ATRNL1: variants seen among roughly 807,000 people sequenced by gnomAD.
The protein encoded by ATRNL1 is attractin like 1.
ATRNL1 carries 95 observed loss-of-function variants against 182.7 expected under a neutral mutation model. That is an observed-to-expected ratio of 0.52 (90% CI 0.44 to 0.62). ATRNL1 has a LOEUF of 0.62. ATRNL1 is among the 20% of genes least tolerant of loss of function. The pLI is 0.00. For synonymous variants in ATRNL1, 576 were observed against 568.3 expected (o/e 1.01, Z -0.19); for missense variants, 1,471 against 1,679.5 (o/e 0.88, Z 2.17).
chr10:115,330,400 A>G (rs1592463035), intron 18 of ATRNL1, among the ~76,000 whole-genome samples: 1 of 152,164 alleles, frequency 6.6e-6, no homozygotes, highest in East Asian at 1.9e-4. Flanking sequence ...TTTTTGTTAC[A>G]CATTAGGATT....
At chr10:115,816,363 A>G (rs1950164746) in intron 27 of ATRNL1, among the ~76,000 whole-genome samples, 1 of 152,194 alleles carries the variant, frequency 6.6e-6, no homozygotes, top group African/African-American at 2.4e-5. Flanking sequence ...TAAGAATCAG[A>G]TATTGTATAA....
Position 115,315,605 on chromosome 10 carries a change from G to A in ATRNL1, c.2906G>A (p.Arg969Lys). 6.2e-7 allele frequency: 1 copy of A among 1,613,902 alleles called. No homozygotes were observed. Among genetic ancestry groups the A allele is most frequent in the South Asian group, 1.1e-5 (1 of 91,084 alleles). The change falls in exon 18 of 29, where the codon AGA becomes AAA. Residue 969 changes from arginine to lysine, a missense_variant. Arg to Lys is a conservative substitution (Grantham distance 26). Transcript: ENST00000355044. ...GWCNDPSNTG[R>K]GHCIEGSSRG... Reference sequence around the variant, plus strand: ...TGCAATGATCCTAGTAATACAGGAAGAGGACATTGCATTGAAGGTTCTTCA... The same window carrying A: ...TGCAATGATCCTAGTAATACAGGAAAAGGACATTGCATTGAAGGTTCTTCA...
At chr10:115,255,519 A>G (rs930661834) in intron 10 of ATRNL1, among the ~76,000 whole-genome samples, 40 of 152,222 alleles carry the variant, frequency 2.6e-4, no homozygotes, top group African/African-American at 9.2e-4. Context: ...GTTGTTTATC[A>G]GCTTAAGGAG....
chr10:115,718,004 C>T lies in ATRNL1; in HGVS notation c.3796-9244C>T, dbSNP rs181522040. On this transcript the variant is annotated intron_variant, in intron 26 of 28. Coordinates refer to ENST00000355044, the MANE Select transcript of ATRNL1 (RefSeq NM_207303.4). ...TTGTGGGCTGAAGCACTGAAAAGTC[C>T]GTACACGATTCACTAGTCCTTTTTC... Among the ~76,000 whole-genome samples the T allele has an allele frequency of 2.0e-5, 3 of 152,250 alleles. No homozygotes were observed. In the East Asian group the frequency reaches 5.8e-4, roughly 29 times the overall value.
intron 1 of ATRNL1, among the ~76,000 whole-genome samples, chr10:115,113,882 C>A (rs1259102518): frequency 3.3e-5 from 5 of 152,190 alleles, no homozygotes; most frequent in African/African-American, 9.6e-5. Context: ...ACCTTCAGCT[C>A]TTTAGGGATG....
intron 26 of ATRNL1, among the ~76,000 whole-genome samples, chr10:115,647,396 A>G (rs1249712559): frequency 1.3e-5 from 2 of 152,134 alleles, no homozygotes; most frequent in Non-Finnish European, 2.9e-5. Flanking sequence ...CAATGGTTAA[A>G]CTAGTTTACA....
intron 15 of ATRNL1, among the ~76,000 whole-genome samples, chr10:115,289,439 G>A (rs1259583848): frequency 6.6e-6 from 1 of 152,098 alleles, no homozygotes; most frequent in Non-Finnish European, 1.5e-5. Flanking sequence ...TTGAGGTCTT[G>A]TTCATAAAAT....
chr10:115,117,709 A>G (rs577549765), intron 1 of ATRNL1, among the ~76,000 whole-genome samples: 46 of 152,248 alleles, frequency 3.0e-4, no homozygotes, highest in Middle Eastern at 3.4e-3. Context: ...TCTTTTGGGT[A>G]TATACCCAAC....
chr10:115,469,076 AT>A (rs1848189028), intron 23 of ATRNL1, 95 bp from the exon 24 acceptor site: 1 of 425,158 alleles, frequency 2.4e-6, no homozygotes, highest in East Asian at 4.0e-5. Flanking sequence ...TTTGATAATT[AT>A]TTTTATAAGA....
Position 115,802,742 on chromosome 10 carries a change from A to G in ATRNL1, c.3904-45135A>G, listed in dbSNP as rs181238583. On this transcript the variant is annotated intron_variant, in intron 27 of 28. Transcript: ENST00000355044. ...ATATGAAACAAAATGACATTCATCTATATGAGACGTTTGTTAACTTAAAAG... is the reference window on the plus strand; with the variant it reads ...ATATGAAACAAAATGACATTCATCTGTATGAGACGTTTGTTAACTTAAAAG... Among the ~76,000 whole-genome samples the G allele has an allele frequency of 1.4e-4, 21 of 152,300 alleles. No homozygotes were observed. The East Asian group carries it at 4.1e-3, about 29-fold the overall frequency.
chr10:115,552,638 C>T (rs1381292981), intron 26 of ATRNL1, among the ~76,000 whole-genome samples: 2 of 151,290 alleles, frequency 1.3e-5, no homozygotes, highest in African/African-American at 2.4e-5. Flanking sequence ...CATAGATATA[C>T]TTTTTGTGGC....
rs1214741652 is a variant in ATRNL1, at chr10:115,093,372, G to T, written c.-379G>T. ...GGCGCTCGGAGCCGAGGCAGTTGGCGCGGGCCGCGGGCGAGGCGGGGCCGC... is the reference window on the plus strand; with the variant it reads ...GGCGCTCGGAGCCGAGGCAGTTGGCTCGGGCCGCGGGCGAGGCGGGGCCGC... On this transcript the variant is annotated 5_prime_UTR_variant, in exon 1 of 29. Coordinates refer to ENST00000355044, the MANE Select transcript of ATRNL1 (RefSeq NM_207303.4). This position sits in a 1 kb window ranked among gnomAD's most constrained non-coding sequence, Gnocchi z 6.1. The T allele has an allele frequency of 2.5e-5, 4 of 162,490 alleles. No individual in the cohort carries two copies. The highest frequency in any genetic ancestry group is 5.2e-5 in the Non-Finnish European group (4 of 76,832). 10.1% of individuals were successfully genotyped at this position (162,490 alleles called of 1,614,324 possible).
chr10:115,313,637 T>C (rs556236770), intron 17 of ATRNL1, among the ~76,000 whole-genome samples: 38 of 152,320 alleles, frequency 2.5e-4, no homozygotes, highest in South Asian at 4.1e-4. Flanking sequence ...ATAGGTGGTG[T>C]CCACAGGTAA....
chr10:115,387,694 A>C (rs1201772656), intron 19 of ATRNL1, among the ~76,000 whole-genome samples: 1 of 152,134 alleles, frequency 6.6e-6, no homozygotes, highest in Non-Finnish European at 1.5e-5. Context: ...GTAATATGTA[A>C]TCTTTTGTGT....
chr10:115,580,778 T>A (rs1373948434), intron 26 of ATRNL1, among the ~76,000 whole-genome samples: 1 of 152,136 alleles, frequency 6.6e-6, no homozygotes, highest in Non-Finnish European at 1.5e-5. Flanking sequence ...TTCATTATTT[T>A]TTCTACTTAG....
intron 26 of ATRNL1, among the ~76,000 whole-genome samples, chr10:115,621,276 T>TATATATATATATATATATAGAGAG (rs1268020830): frequency 2.1e-5 from 1 of 47,592 alleles, no homozygotes; most frequent in African/African-American, 7.4e-5. Flanking sequence ...TATATATATA[T>TATATATATATATATATATAGAGAG]AGAGAGAGAG....
chr10:115,767,744 T>G (rs1948892901), intron 27 of ATRNL1, among the ~76,000 whole-genome samples: 1 of 152,172 alleles, frequency 6.6e-6, no homozygotes, highest in Admixed American at 6.6e-5. Flanking sequence ...ATAGCTCAGC[T>G]TACTCTAATC....
At chr10:115,942,150 A>G in intron 28 of ATRNL1, among the ~76,000 whole-genome samples, 1 of 152,228 alleles carries the variant, frequency 6.6e-6, no homozygotes, top group Admixed American at 6.5e-5. Flanking sequence ...AATGTATCCA[A>G]GGCTCCCTTT....
chr10:115,501,752 G>A (rs531196196), intron 24 of ATRNL1, among the ~76,000 whole-genome samples: 7 of 152,158 alleles, frequency 4.6e-5, no homozygotes, highest in African/African-American at 1.4e-4. Context: ...CAAAACAAAG[G>A]ATTAGCAATG....
Sources: allele counts gnomAD v4.1 joint callset (sites outside exome capture counted in the v4.1 genomes callset), GRCh38; gene constraint gnomAD v4.1.1; non-coding constraint Gnocchi (gnomAD v3.1); transcripts MANE v1.5; gene names NCBI Gene and HGNC (gene_info 2026-07-23, HGNC 2026-07-21).